MALRD1: variants seen among roughly 807,000 people sequenced by gnomAD.
MALRD1 encodes MAM and LDL receptor class A domain containing 1.
Under a neutral mutation model 242.1 loss-of-function variants are expected in MALRD1, and 247 were observed. The ratio of observed to expected loss-of-function variants is 1.02; its 90% CI spans 0.92 to 1.13. MALRD1 has a LOEUF of 1.13. MALRD1 is among the 50% of genes most tolerant of loss of function. MALRD1 has a pLI of 0.00. For synonymous variants in MALRD1, 995 were observed against 866.6 expected (o/e 1.15, Z -2.60); for missense variants, 2,989 against 2,533.1 (o/e 1.18, Z -3.86).
At chr10:19,263,633 A>G (rs544898166) in intron 19 of MALRD1, among the ~76,000 whole-genome samples, 1 of 152,258 alleles carries the variant, frequency 6.6e-6, no homozygotes, top group African/African-American at 2.4e-5. Flanking sequence ...TAAGAGCCCA[A>G]TTTCATTTTG....
intron 32 of MALRD1, among the ~76,000 whole-genome samples, chr10:19,558,339 A>G (rs913845735): frequency 2.6e-5 from 4 of 152,104 alleles, no homozygotes; most frequent in Non-Finnish European, 4.4e-5. Context: ...GAAAATGGCT[A>G]GTTTTTCACT....
chr10:19,216,121 T>TTC lies in MALRD1; in HGVS notation c.2991+6442_2991+6443insCT, dbSNP rs1288289866. Among the ~76,000 whole-genome samples, 460 of 144,010 alleles carry TTC rather than the reference T, an allele frequency of 3.2e-3. 2 individuals carry two copies. The highest frequency in any genetic ancestry group is 6.0e-3 in the Non-Finnish European group (395 of 65,520). 94.5% of individuals were successfully genotyped at this position (144,010 alleles called of 152,430 possible). ...CTTCTTTCTTTCTTTCTTTCTTTCT[T>TTC]TTTTTTTTTTTTTTGAGACAGCGTC... On this transcript the variant is annotated intron_variant, in intron 18 of 39. Coordinates refer to ENST00000454679, the MANE Select transcript of MALRD1 (RefSeq NM_001142308.3).
intron 29 of MALRD1, among the ~76,000 whole-genome samples, chr10:19,454,042 A>G (rs2131058315): frequency 6.6e-6 from 1 of 152,288 alleles, no homozygotes; most frequent in Non-Finnish European, 1.5e-5. Context: ...CCTGGGTAAC[A>G]GAGTCAGACC....
intron 38 of MALRD1, among the ~76,000 whole-genome samples, chr10:19,719,215 C>CATAT (rs1366048990): frequency 2.3e-4 from 19 of 84,286 alleles, no homozygotes; most frequent in African/African-American, 8.7e-4. Flanking sequence ...TATATATACA[C>CATAT]ATACATACAT....
At chr10:19,572,948 A>G (rs997128624) in intron 33 of MALRD1, among the ~76,000 whole-genome samples, 24 of 152,206 alleles carry the variant, frequency 1.6e-4, no homozygotes, top group Non-Finnish European at 2.4e-4. Flanking sequence ...CAACTATGGA[A>G]GCATAAATGT....
intron 5 of MALRD1, among the ~76,000 whole-genome samples, chr10:19,107,770 C>A (rs1054733950): frequency 6.9e-6 from 1 of 145,794 alleles, no homozygotes; most frequent in Non-Finnish European, 1.5e-5. Context: ...AGCTTTGATT[C>A]TTTTCTATTT....
At chr10:19,482,652 T>TACACACACACACACACACGC (rs1554781772) in intron 29 of MALRD1, among the ~76,000 whole-genome samples, 11 of 136,354 alleles carry the variant, frequency 8.1e-5, no homozygotes, top group African/African-American at 3.0e-4. Flanking sequence ...TTACAATAGC[T>TACACACACACACACACACGC]ACACACACAC....
chr10:19,377,386 A>G (rs1172296947), intron 26 of MALRD1, among the ~76,000 whole-genome samples: 1 of 152,190 alleles, frequency 6.6e-6, no homozygotes, highest in East Asian at 1.9e-4. Flanking sequence ...CCCTTAAGCT[A>G]TTGGTAATAT....
At chr10:19,503,131 G>A (rs1317117074) in intron 31 of MALRD1, among the ~76,000 whole-genome samples, 3 of 152,124 alleles carry the variant, frequency 2.0e-5, no homozygotes, top group Non-Finnish European at 2.9e-5. Flanking sequence ...ATATTTTACA[G>A]AGTGCTCTCT....
chr10:19,224,302 T>A (rs1302835865), intron 18 of MALRD1, among the ~76,000 whole-genome samples: 1 of 140,954 alleles, frequency 7.1e-6, no homozygotes, highest in Non-Finnish European at 1.5e-5. Flanking sequence ...TTTTTTTTTT[T>A]CTTCGAGACA....
At chr10:19,171,432 A>T (rs1384126634) in intron 13 of MALRD1, among the ~76,000 whole-genome samples, 1 of 34,318 alleles carries the variant, frequency 2.9e-5, no homozygotes. Flanking sequence ...TTATATACAT[A>T]TATATATATA....
chr10:19,360,873 T>C (rs1353261587), intron 26 of MALRD1, among the ~76,000 whole-genome samples: 4 of 152,114 alleles, frequency 2.6e-5, no homozygotes, highest in Admixed American at 6.6e-5. Context: ...AGTAGCATAG[T>C]GTTATTTTAA....
intron 21 of MALRD1, among the ~76,000 whole-genome samples, chr10:19,321,005 C>A (rs1481680600): frequency 6.6e-6 from 1 of 151,592 alleles, no homozygotes. Context: ...CAAAAATTTT[C>A]TCCCATTCTG....
chr10:19,329,717 A>G (rs1843285585), intron 23 of MALRD1, among the ~76,000 whole-genome samples: 1 of 152,174 alleles, frequency 6.6e-6, no homozygotes. Context: ...TACATTGTCT[A>G]CCAAATTTTA....
In MALRD1 at chr10:19,158,649, T is replaced by G. The variant is rs12570716; in HGVS notation, c.1656+3477T>G. ...CTACGATGCAACACATATATATTGC[T>G]TATCTACTGTGTGTTGATCACAGTC... On this transcript the variant is annotated intron_variant, in intron 12 of 39. Transcript: ENST00000454679. Among the ~76,000 whole-genome samples the G allele has an allele frequency of 0.015, 2,332 of 152,348 alleles. 103 individuals carry two copies. In the East Asian group the frequency reaches 0.18, roughly 12 times the overall value.
intron 5 of MALRD1, among the ~76,000 whole-genome samples, chr10:19,111,351 T>C (rs1443603070): frequency 6.6e-6 from 1 of 152,164 alleles, no homozygotes; most frequent in East Asian, 1.9e-4. Context: ...ATAACCATAA[T>C]GTATTTGAGG....
intron 13 of MALRD1, among the ~76,000 whole-genome samples, chr10:19,167,966 G>A (rs547477801): frequency 6.6e-6 from 1 of 152,284 alleles, no homozygotes; most frequent in African/African-American, 2.4e-5. Context: ...TAAAGCACAT[G>A]GAAGCAAATC....
intron 2 of MALRD1, among the ~76,000 whole-genome samples, chr10:19,074,284 G>C (rs1335750634): frequency 1.3e-5 from 2 of 152,082 alleles, no homozygotes; most frequent in Non-Finnish European, 2.9e-5. Context: ...AGTGGTTGAG[G>C]AATAGTGTAA....
intron 29 of MALRD1, among the ~76,000 whole-genome samples, chr10:19,485,531 T>C (rs1837195964): frequency 6.6e-6 from 1 of 151,534 alleles, no homozygotes; most frequent in Admixed American, 6.6e-5. Context: ...TAGTCCCAGC[T>C]ACTGGGGAGG....
Sources: gnomAD v4.1 joint callset for allele counts (sites outside exome capture counted in the v4.1 genomes callset) on GRCh38, gnomAD v4.1.1 for gene constraint, MANE v1.5 for transcripts, NCBI Gene and HGNC (gene_info 2026-07-23, HGNC 2026-07-21) for gene names.